KIAA1549L: variants seen among roughly 807,000 people sequenced by gnomAD.
The protein encoded by KIAA1549L is KIAA1549 like.
In KIAA1549L, 88 loss-of-function variants were observed where a neutral mutation model predicts 160.7. The observed-to-expected ratio is 0.55, with a 90% CI of 0.46 to 0.65. The LOEUF (loss-of-function observed/expected upper bound fraction) is 0.65. Among genes scored for constraint, KIAA1549L ranks in the 30% least tolerant of loss-of-function variants. KIAA1549L has a pLI of 0.00. For synonymous variants in KIAA1549L, 950 were observed against 976.7 expected, an observed-to-expected ratio of 0.97 and a Z score of 0.51; for missense variants, 2,258 against 2,437.5, an observed-to-expected ratio of 0.93 and a Z score of 1.55.
intron 13 of KIAA1549L, among the ~76,000 whole-genome samples, chr11:33,599,969 T>C (rs1332622415): frequency 1.3e-5 from 2 of 152,242 alleles, no homozygotes; most frequent in African/African-American, 4.8e-5. Context: ...AGTGTTGGAA[T>C]ATTTTTTTGT....
intron 1 of KIAA1549L, among the ~76,000 whole-genome samples, chr11:33,381,783 G>A (rs1400383198): frequency 6.6e-6 from 1 of 152,154 alleles, no homozygotes; most frequent in Non-Finnish European, 1.5e-5. Context: ...GAGGGTGGTA[G>A]CAGAAGTGGT....
chr11:33,654,035 T>C (rs981519447), intron 17 of KIAA1549L, among the ~76,000 whole-genome samples: 2 of 152,010 alleles, frequency 1.3e-5, no homozygotes, highest in African/African-American at 2.4e-5. Flanking sequence ...TGCAGTGGCG[T>C]GATCTCGGCC....
intron 1 of KIAA1549L, among the ~76,000 whole-genome samples, chr11:33,465,317 G>A (rs894172506): frequency 4.6e-5 from 7 of 152,102 alleles, no homozygotes; most frequent in African/African-American, 1.7e-4. Context: ...GCCTCCTAAA[G>A]TGGTGGGATT....
At chr11:33,398,650 A>AT (rs1850434942) in intron 1 of KIAA1549L, among the ~76,000 whole-genome samples, 1 of 152,246 alleles carries the variant, frequency 6.6e-6, no homozygotes, top group Admixed American at 6.5e-5. Context: ...CTCTTCTTCC[A>AT]TTCATAACCT....
intron 1 of KIAA1549L, among the ~76,000 whole-genome samples, chr11:33,475,818 C>T (rs1274623139): frequency 6.6e-6 from 1 of 152,108 alleles, no homozygotes; most frequent in Non-Finnish European, 1.5e-5. Context: ...GATTGTGCCA[C>T]TGTACTTCAG....
intron 8 of KIAA1549L, among the ~76,000 whole-genome samples, chr11:33,565,032 G>A (rs1855000593): frequency 6.6e-6 from 1 of 152,188 alleles, no homozygotes. Context: ...GCTCCTCTAA[G>A]CTGAGTCACG....
chr11:33,619,811 T>C (rs769009811), intron 16 of KIAA1549L, among the ~76,000 whole-genome samples: 4 of 152,214 alleles, frequency 2.6e-5, no homozygotes, highest in Admixed American at 1.3e-4. Context: ...TGTTAATTTT[T>C]CTCCTTATAA....
chr11:33,568,034 A>C (rs1452807599), intron 8 of KIAA1549L, 42 bp from the exon 9 acceptor site: 6 of 1,540,754 alleles, frequency 3.9e-6, no homozygotes, highest in Non-Finnish European at 5.3e-6. Flanking sequence ...ATCAGCAGAA[A>C]GTCTGCCTTC....
chr11:33,643,312 A>G (rs1329347511), intron 16 of KIAA1549L, among the ~76,000 whole-genome samples: 1 of 152,118 alleles, frequency 6.6e-6, no homozygotes, highest in African/African-American at 2.4e-5. Context: ...TCCCCTACCA[A>G]CCTTACTCGG....
rs575596875 is a variant in KIAA1549L at position 33,468,958 on chromosome 11, C to T, written c.239-72844C>T. Among the ~76,000 whole-genome samples the T allele has an allele frequency of 2.6e-5, 4 of 152,098 alleles. No homozygotes were observed. The East Asian group carries it at 7.7e-4, about 29-fold the overall frequency. On this transcript the variant is annotated intron_variant, in intron 1 of 20. Coordinates refer to ENST00000658780, the MANE Select transcript of KIAA1549L (RefSeq NM_012194.3). ...AGAGGGTACAATAATGGACTCAGGACTTCGTTGGCTCTGGGCTGAAGTGGG... is the reference window on the plus strand; with the variant it reads ...AGAGGGTACAATAATGGACTCAGGATTTCGTTGGCTCTGGGCTGAAGTGGG...
intron 1 of KIAA1549L, among the ~76,000 whole-genome samples, chr11:33,530,439 ATATATATATATATATATATATAT>A (rs1853738830): frequency 1.3e-3 from 5 of 3,744 alleles, no homozygotes; most frequent in African/African-American, 4.9e-3. Context: ...AAAAAAAAAT[ATATATATATATATATATATATAT>A]ATATATATAT....
intron 16 of KIAA1549L, among the ~76,000 whole-genome samples, chr11:33,628,882 G>A (rs551067453): frequency 1.3e-5 from 2 of 151,884 alleles, no homozygotes; most frequent in South Asian, 2.1e-4. Context: ...TCCCAGTCTC[G>A]ATGGTCCTTA....
chr11:33,491,968 A>G (rs1217402229), intron 1 of KIAA1549L, among the ~76,000 whole-genome samples: 1 of 152,232 alleles, frequency 6.6e-6, no homozygotes, highest in Non-Finnish European at 1.5e-5. Context: ...GGTGGAGGAT[A>G]TAGAGTTTCC....
rs142650035 is a variant in KIAA1549L at position 33,591,759 on chromosome 11, A to G, written c.4751+338A>G. Among the ~76,000 whole-genome samples, 125 of 152,332 alleles carry G rather than the reference A, an allele frequency of 8.2e-4. 5 individuals carry two copies. In the East Asian group the frequency reaches 0.016, roughly 20 times the overall value. ...TCAATATAGTTGTATTTTATCTGGC[A>G]ATTTCTCAATAGGGGTTTCTGATTT... On this transcript the variant is annotated intron_variant, in intron 12 of 20. Coordinates refer to ENST00000658780, the MANE Select transcript of KIAA1549L (RefSeq NM_012194.3).
chr11:33,552,689 CACACACACACACACAT>C (rs1206166198), intron 6 of KIAA1549L, among the ~76,000 whole-genome samples: 57 of 147,968 alleles, frequency 3.9e-4, no homozygotes, highest in East Asian at 4.0e-4. Flanking sequence ...CACACACACA[CACACACACACACACAT>C]GCGTTTTATA....
At chr11:33,614,582 ATATTTT>A (rs1850757152) in intron 15 of KIAA1549L, among the ~76,000 whole-genome samples, 3 of 5,710 alleles carry the variant, frequency 5.3e-4, no homozygotes, top group Admixed American at 3.8e-3. Flanking sequence ...ATATATATAT[ATATTTT>A]TTTTTTTTTT....
At chr11:33,405,609 C>T (rs1464760722) in intron 1 of KIAA1549L, among the ~76,000 whole-genome samples, 2 of 150,498 alleles carry the variant, frequency 1.3e-5, no homozygotes, top group East Asian at 1.9e-4. Flanking sequence ...TTTGGGAGGC[C>T]GAGGTGGGTG....
chr11:33,525,409 T>C (rs1179559043), intron 1 of KIAA1549L, among the ~76,000 whole-genome samples: 1 of 152,076 alleles, frequency 6.6e-6, no homozygotes, highest in Non-Finnish European at 1.5e-5. Context: ...AAGAACCCTA[T>C]AGGGTCTTCC....
intron 10 of KIAA1549L, among the ~76,000 whole-genome samples, chr11:33,579,490 A>G (rs554233067): frequency 6.6e-6 from 1 of 152,180 alleles, no homozygotes; most frequent in African/African-American, 2.4e-5. Context: ...TCAACCTTCA[A>G]ATCTCCTTTC....
Sources: gnomAD v4.1 joint callset for allele counts (sites outside exome capture counted in the v4.1 genomes callset) on GRCh38, gnomAD v4.1.1 for gene constraint, MANE v1.5 for transcripts, NCBI Gene and HGNC (gene_info 2026-07-23, HGNC 2026-07-21) for gene names.